The following SDK1 variants were observed in gnomAD, a reference collection of about 807,000 sequenced individuals.
The protein encoded by SDK1 is protein sidekick-1.
SDK1 carries 157 observed loss-of-function variants against 245.5 expected under a neutral mutation model. The observed-to-expected ratio is 0.64, with a 90% confidence interval of 0.56 to 0.73. SDK1 has a LOEUF of 0.73. Ranked by LOEUF, SDK1 falls within the 30% of genes least tolerant of loss-of-function variation. The pLI is 0.00. For synonymous variants in SDK1, 1,647 were observed against 1,278.5 expected, an observed-to-expected ratio of 1.29 and a Z score of -6.15; for missense variants, 3,583 against 3,002.3, an observed-to-expected ratio of 1.19 and a Z score of -4.52.
At chr7:3,430,888 T>C (rs1779825930) in intron 1 of SDK1, among the ~76,000 whole-genome samples, 1 of 150,804 alleles carries the variant, frequency 6.6e-6, no homozygotes, top group Non-Finnish European at 1.5e-5. Context: ...TGGCTCTCTG[T>C]CTTTTACCTT....
chr7:4,197,348 T>G (rs1783645534), intron 35 of SDK1, among the ~76,000 whole-genome samples: 2 of 150,924 alleles, frequency 1.3e-5, no homozygotes, highest in South Asian at 2.1e-4. Flanking sequence ...ATTAGATGGG[T>G]ATAGTGATGT....
chr7:4,074,916 A>ATT lies in SDK1; in HGVS notation c.3011-2068_3011-2067dup, dbSNP rs55899344. Among the ~76,000 whole-genome samples, 523 of 64,592 alleles carry ATT rather than the reference A, an allele frequency of 8.1e-3. 15 individuals carry two copies. Among genetic ancestry groups the ATT allele is most frequent in the Middle Eastern group, 0.023 (2 of 86 alleles). The allele number at this position is 64,592 out of a possible 152,430, so 42.4% of individuals were successfully genotyped here. On this transcript the variant is annotated intron_variant, in intron 20 of 44. Transcript: ENST00000404826. ...TATATATATATATATATATATATATATTTTTTTTTTTTTTTAATAAAGTTA... is the reference window on the plus strand; with the variant it reads ...TATATATATATATATATATATATATATTTTTTTTTTTTTTTTTAATAAAGTTA...
intron 1 of SDK1, among the ~76,000 whole-genome samples, chr7:3,507,666 TAAGTGGTTAGTAGCCATTTAC>T (rs1424781031): frequency 2.0e-5 from 3 of 152,204 alleles, no homozygotes; most frequent in Non-Finnish European, 4.4e-5. Flanking sequence ...TGACACATTC[TAAGTGGTTAGTAGCCATTTAC>T]TGAGTGCTGT....
intron 22 of SDK1, among the ~76,000 whole-genome samples, chr7:4,102,617 C>A (rs536999921): frequency 4.6e-5 from 7 of 152,174 alleles, no homozygotes; most frequent in African/African-American, 1.7e-4. Flanking sequence ...CCCTGGCCTC[C>A]GGAGTGCTGA....
rs200859250 is a variant in SDK1 at position 3,951,834 on chromosome 7, C to T, written c.1064C>T (p.Ala355Val). Residue 355 changes from alanine (A) to valine (V), a missense_variant, in exon 7 of 45, where the codon GCG becomes GTG. Physicochemically the swap from Ala to Val is moderately conservative, Grantham distance 64. Coordinates refer to ENST00000404826, the MANE Select transcript of SDK1 (RefSeq NM_152744.4). ...RRLTISNPTSADTGPYVCEAA... is the reference protein window; with the variant it reads ...RRLTISNPTSVDTGPYVCEAA... ...CTCACCATCAGCAACCCGACGTCCGCGGACACCGGGCCATACGTCTGCGAG... is the reference window on the plus strand; with the variant it reads ...CTCACCATCAGCAACCCGACGTCCGTGGACACCGGGCCATACGTCTGCGAG... 5.8e-5 allele frequency: 93 copies of T among 1,613,714 alleles called. No homozygotes were observed. Among genetic ancestry groups the T allele is most frequent in the Middle Eastern group, 1.6e-4 (1 of 6,084 alleles).
chr7:3,390,394 T>C (rs1461500281), intron 1 of SDK1, among the ~76,000 whole-genome samples: 1 of 152,214 alleles, frequency 6.6e-6, no homozygotes, highest in African/African-American at 2.4e-5. Context: ...ATTACAGTTA[T>C]CGAAGCCAAT....
chr7:3,903,145 TTTTG>T (rs1781845623), intron 5 of SDK1, among the ~76,000 whole-genome samples: 1 of 128,762 alleles, frequency 7.8e-6, no homozygotes, highest in South Asian at 3.0e-4. Context: ...TTGTTTTTTG[TTTTG>T]TTTTTTTTTT....
intron 5 of SDK1, among the ~76,000 whole-genome samples, chr7:3,827,561 C>G (rs1007197962): frequency 2.0e-5 from 3 of 152,212 alleles, no homozygotes; most frequent in African/African-American, 7.2e-5. Context: ...CTTTTGCTGT[C>G]TACAAAACGA....
intron 5 of SDK1, among the ~76,000 whole-genome samples, chr7:3,843,051 A>G (rs1780197442): frequency 6.6e-6 from 1 of 152,140 alleles, no homozygotes; most frequent in South Asian, 2.1e-4. Flanking sequence ...ACCCATGTGT[A>G]ATGAAGAGCC....
intron 1 of SDK1, among the ~76,000 whole-genome samples, chr7:3,543,341 A>C (rs994519535): frequency 6.6e-6 from 1 of 152,248 alleles, no homozygotes; most frequent in Non-Finnish European, 1.5e-5. Context: ...CGCGATCACT[A>C]TCTGTTGCAA....
chr7:4,190,986 G>A (rs2128222541), intron 35 of SDK1, among the ~76,000 whole-genome samples: 1 of 152,258 alleles, frequency 6.6e-6, no homozygotes, highest in African/African-American at 2.4e-5. Context: ...AGCCTCTGGG[G>A]CCTGTGTCCA....
chr7:3,419,861 A>G (rs1779489155), intron 1 of SDK1, among the ~76,000 whole-genome samples: 1 of 152,234 alleles, frequency 6.6e-6, no homozygotes, highest in Non-Finnish European at 1.5e-5. Context: ...ATCCCTGTCT[A>G]GAAGTTTCAC....
At chr7:4,076,960 C>A in intron 20 of SDK1, 38 bp from the exon 21 acceptor site, 2 of 1,583,748 alleles carry the variant, frequency 1.3e-6, no homozygotes, top group Non-Finnish European at 1.7e-6. Flanking sequence ...CCTTGGCCTT[C>A]AGGAGACCAA....
intron 1 of SDK1, among the ~76,000 whole-genome samples, chr7:3,478,803 C>A (rs1435811637): frequency 6.6e-6 from 1 of 151,834 alleles, no homozygotes; most frequent in African/African-American, 2.4e-5. Context: ...TATTTTCAGC[C>A]TATATTCTTT....
intron 4 of SDK1, among the ~76,000 whole-genome samples, chr7:3,745,486 G>C (rs550120832): frequency 6.6e-6 from 1 of 152,096 alleles, no homozygotes; most frequent in Admixed American, 6.5e-5. Context: ...CTGTTAACTA[G>C]AATAGAAACG....
rs551452946 is a variant in SDK1, at chr7:3,461,988, C to T, written c.299-157092C>T. On this transcript the variant is annotated intron_variant, in intron 1 of 44. Coordinates refer to ENST00000404826, the MANE Select transcript of SDK1 (RefSeq NM_152744.4). ...ACTCTTCTGTATTAAAAAAGAACCA[C>T]GACCTCCCCTAACCCTTCCCTAATC... Among the ~76,000 whole-genome samples the T allele has an allele frequency of 1.5e-4, 23 of 152,290 alleles. No homozygotes were observed. The South Asian group carries it at 4.1e-3, about 27-fold the overall frequency.
rs183552305 is a variant in SDK1 at position 4,160,953 on chromosome 7, A to G, written c.4730-833A>G. ...TTCTAAGTGGAGAGGCATCTGCTAG[A>G]TGCACAAGTGTGCCTGTGGGAAGAA... On this transcript the variant is annotated intron_variant, in intron 31 of 44. Transcript: ENST00000404826. Among the ~76,000 whole-genome samples the G allele has an allele frequency of 1.1e-3, 163 of 152,340 alleles. 1 individual carries two copies. Among genetic ancestry groups the G allele is most frequent in the African/African-American group, 3.3e-3 (137 of 41,572 alleles).
At chr7:3,620,186 G>A (rs1051562492) in intron 2 of SDK1, among the ~76,000 whole-genome samples, 1 of 152,122 alleles carries the variant, frequency 6.6e-6, no homozygotes, top group Non-Finnish European at 1.5e-5. Flanking sequence ...CTGAGGTTGT[G>A]ATACGGTGGT....
intron 1 of SDK1, among the ~76,000 whole-genome samples, chr7:3,349,191 A>G (rs1209563391): frequency 6.6e-6 from 1 of 151,324 alleles, no homozygotes. Flanking sequence ...TGCAGTTTAA[A>G]AAAAAACAAC....
Sources: allele counts gnomAD v4.1 joint callset (sites outside exome capture counted in the v4.1 genomes callset), GRCh38; gene constraint gnomAD v4.1.1; transcripts MANE v1.5; gene names NCBI Gene and HGNC (gene_info 2026-07-23, HGNC 2026-07-21).